ROBO2: variants seen among roughly 807,000 people sequenced by gnomAD.
ROBO2 encodes the protein roundabout homolog 2.
ROBO2 carries 53 observed loss-of-function variants against 160.8 expected under a neutral mutation model. The observed-to-expected ratio is 0.33, with a 90% CI of 0.26 to 0.41. ROBO2 has a LOEUF of 0.41. Among genes scored for constraint, ROBO2 ranks in the 10% least tolerant of loss-of-function variants. The pLI is 1.00. For synonymous variants in ROBO2, 664 were observed against 611.7 expected (o/e 1.09, Z -1.26); for missense variants, 1,577 against 1,722.4 (o/e 0.92, Z 1.49).
At chr3:77,505,368 A>G (rs1364517442) in intron 5 of ROBO2, among the ~76,000 whole-genome samples, 1 of 152,074 alleles carries the variant, frequency 6.6e-6, no homozygotes, top group Admixed American at 6.6e-5. Flanking sequence ...ATTGTATGTC[A>G]GAGTTATTGG....
At chr3:76,357,749 T>C (rs981636236) in intron 2 of ROBO2, among the ~76,000 whole-genome samples, 1 of 151,906 alleles carries the variant, frequency 6.6e-6, no homozygotes, top group African/African-American at 2.4e-5. Flanking sequence ...CATTAGTAAG[T>C]TGCAGGATAA....
chr3:76,076,177 C>T (rs1251645893), intron 2 of ROBO2, among the ~76,000 whole-genome samples: 3 of 152,190 alleles, frequency 2.0e-5, no homozygotes, highest in Non-Finnish European at 2.9e-5. Context: ...TACTCTCCTG[C>T]ACCTCCCTTT....
intron 2 of ROBO2, among the ~76,000 whole-genome samples, chr3:76,162,748 A>T (rs1577107706): frequency 6.6e-6 from 1 of 152,146 alleles, no homozygotes; most frequent in Non-Finnish European, 1.5e-5. Context: ...CAATAAGTAC[A>T]TATCGATTCC....
In ROBO2 at chr3:77,209,888, T is replaced by G. The variant is rs532054813; in HGVS notation, c.388+111548T>G. Reference sequence around the variant, plus strand: ...GTCCAGAGTGGGGTCTGGACAGAGATTTGTAAAAATCACCCAGGTGATTCT... The same window carrying G: ...GTCCAGAGTGGGGTCTGGACAGAGAGTTGTAAAAATCACCCAGGTGATTCT... On this transcript the variant is annotated intron_variant, in intron 2 of 25. Coordinates refer to ENST00000461745, the Ensembl canonical transcript of ROBO2. 1.1e-3 allele frequency among the ~76,000 whole-genome samples: 160 copies of G among 152,230 alleles called. 2 individuals carry two copies. The highest frequency in any genetic ancestry group is 1.2e-3 in the East Asian group (6 of 5,178).
At chr3:77,629,814 C>T (rs773804384) in intron 23 of ROBO2, 13 of 151,946 alleles carry the variant, frequency 8.6e-5, no homozygotes, top group South Asian at 2.1e-4. Context: ...ATAATGAAAA[C>T]GTTGAATGCA....
chr3:77,168,727 G>A (rs2079343225), intron 2 of ROBO2, among the ~76,000 whole-genome samples: 2 of 152,140 alleles, frequency 1.3e-5, no homozygotes, highest in Non-Finnish European at 2.9e-5. Context: ...CTGAGTCTGG[G>A]ATGTTTTAAG....
chr3:77,503,525 A>G (rs1344454468), intron 5 of ROBO2, among the ~76,000 whole-genome samples: 4 of 135,792 alleles, frequency 2.9e-5, no homozygotes, highest in South Asian at 2.3e-4. Context: ...GTCCGTCTCT[A>G]AATAAATAAA....
chr3:76,733,404 G>A (rs2093665194), intron 2 of ROBO2, among the ~76,000 whole-genome samples: 1 of 152,154 alleles, frequency 6.6e-6, no homozygotes, highest in Non-Finnish European at 1.5e-5. Flanking sequence ...ACAAAATTGA[G>A]AAAGGACATT....
intron 2 of ROBO2, among the ~76,000 whole-genome samples, chr3:77,374,648 T>C (rs2072373147): frequency 6.6e-6 from 1 of 152,198 alleles, no homozygotes; most frequent in African/African-American, 2.4e-5. Context: ...TAATTTGGTC[T>C]AAGTGCTATT....
chr3:76,038,707 TTAG>T (rs777578812), intron 2 of ROBO2, among the ~76,000 whole-genome samples: 3 of 151,904 alleles, frequency 2.0e-5, no homozygotes, highest in Non-Finnish European at 4.4e-5. Flanking sequence ...ATCCTTCTTG[TTAG>T]TAGCCATCTG....
chr3:77,106,202 C>A (rs1294895926), intron 2 of ROBO2, among the ~76,000 whole-genome samples: 2 of 152,018 alleles, frequency 1.3e-5, no homozygotes, highest in African/African-American at 4.8e-5. Flanking sequence ...GCCACCAAAC[C>A]TGGCTAATTT....
chr3:76,412,664 T>C lies in ROBO2; in HGVS notation c.109+475062T>C, dbSNP rs553000198. On this transcript the variant is annotated intron_variant, in intron 2 of 26. Transcript: ENST00000487694. ...AAGCTCCAAAACGATCTCCTGTGACTCTAGGTCATGCTGATGGAAGCGGTG... is the reference window on the plus strand; with the variant it reads ...AAGCTCCAAAACGATCTCCTGTGACCCTAGGTCATGCTGATGGAAGCGGTG... 3.3e-5 allele frequency among the ~76,000 whole-genome samples: 5 copies of C among 152,334 alleles called. No homozygotes were observed. The East Asian group carries it at 9.7e-4, about 29-fold the overall frequency.
intron 2 of ROBO2, among the ~76,000 whole-genome samples, chr3:77,217,429 C>G (rs939156359): frequency 1.3e-5 from 2 of 152,104 alleles, no homozygotes; most frequent in African/African-American, 4.8e-5. Context: ...AGGCATGGGC[C>G]ACCATGCCTG....
At chr3:76,153,491 G>T (rs1314132835) in intron 2 of ROBO2, among the ~76,000 whole-genome samples, 1 of 152,124 alleles carries the variant, frequency 6.6e-6, no homozygotes, top group Non-Finnish European at 1.5e-5. Context: ...TTGTTTTGGA[G>T]ATGTGATGAA....
At chr3:77,558,847 C>A (rs1281686733) in intron 9 of ROBO2, among the ~76,000 whole-genome samples, 1 of 152,052 alleles carries the variant, frequency 6.6e-6, no homozygotes, top group Non-Finnish European at 1.5e-5. Context: ...CTAAAAGCAA[C>A]ACACATTTAT....
intron 2 of ROBO2, among the ~76,000 whole-genome samples, chr3:76,533,803 G>A (rs953524762): frequency 6.6e-6 from 1 of 152,124 alleles, no homozygotes; most frequent in Non-Finnish European, 1.5e-5. Context: ...GAGAGACCAT[G>A]AGACTCACTG....
At chr3:76,485,340 C>T (rs553974677) in intron 2 of ROBO2, among the ~76,000 whole-genome samples, 1 of 152,108 alleles carries the variant, frequency 6.6e-6, no homozygotes, top group South Asian at 2.1e-4. Flanking sequence ...CAATAGGGTT[C>T]ATGCCCCTGT....
intron 2 of ROBO2, among the ~76,000 whole-genome samples, chr3:76,957,659 C>T (rs537963585): frequency 5.3e-5 from 8 of 151,854 alleles, no homozygotes; most frequent in South Asian, 2.1e-4. Context: ...GATGAAACCC[C>T]GTCTCTACTA....
chr3:76,417,442 G>T (rs1054282821), intron 2 of ROBO2, among the ~76,000 whole-genome samples: 1 of 152,038 alleles, frequency 6.6e-6, no homozygotes, highest in Non-Finnish European at 1.5e-5. Context: ...ATATGACCAG[G>T]GTTTACTCTG....
Sources: allele counts gnomAD v4.1 joint callset (sites outside exome capture counted in the v4.1 genomes callset), GRCh38; gene constraint gnomAD v4.1.1; transcripts MANE v1.5; gene names NCBI Gene and HGNC (gene_info 2026-07-23, HGNC 2026-07-21).